The following RBM6 variants were observed in gnomAD, a reference collection of about 807,000 sequenced individuals.
RBM6 encodes RNA-binding protein 6.
Under a neutral mutation model 140.4 loss-of-function variants are expected in RBM6, and 23 were observed. The observed-to-expected ratio is 0.16, with a 90% CI of 0.12 to 0.23. RBM6 has a LOEUF of 0.23. Among genes scored for constraint, RBM6 ranks in the 10% least tolerant of loss-of-function variants. RBM6 has a pLI of 1.00. For missense variants in RBM6, 1,139 were observed against 1,386.7 expected, an observed-to-expected ratio of 0.82 and a Z score of 2.84; for synonymous variants, 439 against 475.6, an observed-to-expected ratio of 0.92 and a Z score of 1.00.
At chr3:50,072,409 CAAAAA>C (rs567722203) in intron 19 of RBM6, among the ~76,000 whole-genome samples, 1 of 120,782 alleles carries the variant, frequency 8.3e-6, no homozygotes, top group African/African-American at 3.0e-5. Flanking sequence ...GACTCCAAAT[CAAAAA>C]AAAAAAAGAA....
intron 7 of RBM6, 85 bp from the exon 8 acceptor site, chr3:50,054,250 C>CT: frequency 3.2e-5 from 35 of 1,098,094 alleles, no homozygotes; most frequent in Admixed American, 1.4e-4. Context: ...TTGTTTCTTT[C>CT]ATTTTTGGGG....
chr3:50,051,976 A>G (rs1286959020), intron 7 of RBM6, among the ~76,000 whole-genome samples: 1 of 152,216 alleles, frequency 6.6e-6, no homozygotes, highest in African/African-American at 2.4e-5. Context: ...GGGTGATGAA[A>G]ATGTTTCAGA....
intron 7 of RBM6, among the ~76,000 whole-genome samples, chr3:50,053,551 A>G (rs2089567663): frequency 6.6e-6 from 1 of 151,518 alleles, no homozygotes; most frequent in Non-Finnish European, 1.5e-5. Flanking sequence ...AAAAAAAAAG[A>G]ATTAGCCACT....
At chr3:50,035,517 C>A (rs1049546727) in intron 6 of RBM6, among the ~76,000 whole-genome samples, 26 of 151,810 alleles carry the variant, frequency 1.7e-4, no homozygotes, top group African/African-American at 6.3e-4. Context: ...CCCGTCTCTA[C>A]TAAAAATACA....
chr3:50,013,397 G>A (rs1213655503), intron 6 of RBM6, among the ~76,000 whole-genome samples: 1 of 152,016 alleles, frequency 6.6e-6, no homozygotes, highest in African/African-American at 2.4e-5. Flanking sequence ...TAGGCCGAAC[G>A]CGGTGGCTCA....
At chr3:49,981,850 A>G (rs2085317918) in intron 5 of RBM6, among the ~76,000 whole-genome samples, 2 of 152,210 alleles carry the variant, frequency 1.3e-5, no homozygotes, top group Non-Finnish European at 2.9e-5. Context: ...GTTTGTTTGC[A>G]TACTACGTAG....
chr3:50,054,657 C>T (rs2089628975), intron 8 of RBM6, among the ~76,000 whole-genome samples: 1 of 151,940 alleles, frequency 6.6e-6, no homozygotes, highest in African/African-American at 2.4e-5. Context: ...AGGCATGTGC[C>T]ACCACGCCCT....
chr3:49,974,703 T>TA (rs1276058374), intron 4 of RBM6, among the ~76,000 whole-genome samples: 2 of 74,956 alleles, frequency 2.7e-5, no homozygotes, highest in African/African-American at 1.0e-4. Context: ...TTTTTTTTTT[T>TA]AAAGATAGTG....
chr3:49,970,077 A>G (rs550824636), intron 3 of RBM6, among the ~76,000 whole-genome samples: 1 of 151,648 alleles, frequency 6.6e-6, no homozygotes, highest in Non-Finnish European at 1.5e-5. Context: ...AGTAGTTGGG[A>G]CTGTAGTTGT....
At chr3:50,049,343 C>T (rs568831225) in intron 7 of RBM6, among the ~76,000 whole-genome samples, 1 of 152,208 alleles carries the variant, frequency 6.6e-6, no homozygotes, top group Admixed American at 6.5e-5. Context: ...AACTCCTGAC[C>T]TCATTATCCA....
intron 6 of RBM6, among the ~76,000 whole-genome samples, chr3:50,003,739 A>G (rs1458304453): frequency 6.6e-6 from 1 of 152,212 alleles, no homozygotes; most frequent in East Asian, 1.9e-4. Flanking sequence ...GTGACCGATC[A>G]GGGTATCACT....
At position 50,016,805 on chromosome 3, in the gene RBM6, G is replaced by A. The variant is rs77421231; in HGVS notation, c.1557+17292G>A. On this transcript the variant is annotated intron_variant, in intron 6 of 20. Transcript: ENST00000266022. ...CCCACCTCAGCCTCCCAGGTAGCTG[G>A]TGTGTCACCATGCCTAGCGTTTTTT... Among the ~76,000 whole-genome samples, 1,333 of 148,644 alleles carry A rather than the reference G, an allele frequency of 9.0e-3. 23 individuals are homozygous for A. The highest frequency in any genetic ancestry group is 0.032 in the African/African-American group (1,286 of 40,048).
chr3:49,971,285 G>A (rs1185056391), intron 3 of RBM6, among the ~76,000 whole-genome samples: 2 of 139,770 alleles, frequency 1.4e-5, no homozygotes, highest in African/African-American at 2.6e-5. Flanking sequence ...AAAAAAAAAC[G>A]AAAACCAAAA....
At chr3:50,017,877 C>T (rs2087252573) in intron 6 of RBM6, among the ~76,000 whole-genome samples, 1 of 152,154 alleles carries the variant, frequency 6.6e-6, no homozygotes, top group Admixed American at 6.6e-5. Flanking sequence ...AGCTTTCCAA[C>T]TATAGTTTCT....
At position 50,072,435 on chromosome 3, in the gene RBM6, A is replaced by T. The variant is rs147504295; in HGVS notation, c.3116+1883A>T. On this transcript the variant is annotated intron_variant, in intron 19 of 20. Transcript: ENST00000266022. ...AAAAAAAAAAAAGAAAAGAAAAGAAAAGGAAAAGTGGGTAACAAGTGGATG... is the reference window on the plus strand; with the variant it reads ...AAAAAAAAAAAAGAAAAGAAAAGAATAGGAAAAGTGGGTAACAAGTGGATG... Among the ~76,000 whole-genome samples, 1,061 of 151,992 alleles carry T rather than the reference A, an allele frequency of 7.0e-3. 15 individuals carry two copies. Among genetic ancestry groups the T allele is most frequent in the African/African-American group, 0.024 (1,010 of 41,504 alleles).
rs112003346 is a variant in RBM6, at chr3:49,948,834, T to G, written c.-67+8609T>G. Reference sequence around the variant, plus strand: ...AGACTATTTACATACCCAATTTTTTTTTTTTTTTTTTTTTGGGATGGTGTC... The same window carrying G: ...AGACTATTTACATACCCAATTTTTTGTTTTTTTTTTTTTTGGGATGGTGTC... On this transcript the variant is annotated intron_variant, in intron 1 of 20. Coordinates refer to ENST00000266022, the MANE Select transcript of RBM6 (RefSeq NM_005777.3). Among the ~76,000 whole-genome samples the G allele has an allele frequency of 2.9e-3, 424 of 146,140 alleles. 2 individuals carry two copies. The highest frequency in any genetic ancestry group is 0.01 in the African/African-American group (409 of 40,116).
At chr3:49,949,696 G>A (rs2083648739) in intron 1 of RBM6, among the ~76,000 whole-genome samples, 1 of 151,924 alleles carries the variant, frequency 6.6e-6, no homozygotes, top group South Asian at 2.1e-4. Context: ...TGTATTTTTA[G>A]TGGAGAAAAG....
chr3:49,968,554 G>A lies in RBM6; in HGVS notation c.1129G>A (p.Glu377Lys). ...TAAGTCACAGCTTTCTGGACGTGAA[G>A]AGCAGAGTTCAGATGCTGGTCTGTT... ...QDKSQLSGRE[E>K]QSSDAGLFKE... Residue 377 changes from glutamate (E) to lysine (K), a missense_variant, in exon 3 of 21, where the codon GAG becomes AAG. Transcript: ENST00000266022. 1 of 1,614,172 alleles carries A rather than the reference G, an allele frequency of 6.2e-7. No homozygotes were observed. The highest frequency in any genetic ancestry group is 8.5e-7 in the Non-Finnish European group (1 of 1,180,036).
At chr3:50,055,244 A>G (rs188721987) in intron 8 of RBM6, among the ~76,000 whole-genome samples, 1 of 152,318 alleles carries the variant, frequency 6.6e-6, no homozygotes, top group African/African-American at 2.4e-5. Context: ...CCTGACCAAC[A>G]TGCCGAAACC....
Sources: gnomAD v4.1 joint callset for allele counts (sites outside exome capture counted in the v4.1 genomes callset) on GRCh38, gnomAD v4.1.1 for gene constraint, MANE v1.5 for transcripts, NCBI Gene and HGNC (gene_info 2026-07-23, HGNC 2026-07-21) for gene names.